TMEM74: variants seen among roughly 807,000 people sequenced by gnomAD.
TMEM74 encodes the protein transmembrane protein 74.
A neutral mutation model predicts 18.1 loss-of-function variants in TMEM74; 13 were observed. The observed-to-expected ratio is 0.72, with a 90% confidence interval of 0.47 to 1.14. TMEM74 has a LOEUF of 1.14. Ranked by LOEUF, TMEM74 falls within the 50% of genes most tolerant of loss-of-function variation. The pLI is 0.00. For missense variants in TMEM74, 372 were observed against 375.9 expected, an observed-to-expected ratio of 0.99 and a Z score of 0.09; for synonymous variants, 159 against 146.6, an observed-to-expected ratio of 1.08 and a Z score of -0.61.
chr8:108,753,594 G>A (rs1375370323), intron 1 of TMEM74, among the ~76,000 whole-genome samples: 2 of 152,088 alleles, frequency 1.3e-5, no homozygotes, highest in South Asian at 2.1e-4. Flanking sequence ...ATACTTCAAG[G>A]ACACCAATTG....
At chr8:108,751,938 A>G (rs1813907607) in intron 1 of TMEM74, among the ~76,000 whole-genome samples, 2 of 152,156 alleles carry the variant, frequency 1.3e-5, no homozygotes, top group Non-Finnish European at 2.9e-5. Flanking sequence ...TTGCCTTACC[A>G]GATGCCATTA....
intron 1 of TMEM74, among the ~76,000 whole-genome samples, chr8:108,687,610 T>C (rs1317100749): frequency 1.3e-5 from 2 of 152,010 alleles, no homozygotes; most frequent in East Asian, 1.9e-4. Context: ...CATGAGCTTG[T>C]TTTTCTGCAA....
At chr8:108,661,081 T>C (rs1470737698) in intron 1 of TMEM74, among the ~76,000 whole-genome samples, 1 of 152,112 alleles carries the variant, frequency 6.6e-6, no homozygotes, top group Admixed American at 6.6e-5. Context: ...CTGAAAAAAA[T>C]TCCACCTAAC....
intron 1 of TMEM74, among the ~76,000 whole-genome samples, chr8:108,700,159 G>A (rs1813321654): frequency 6.6e-6 from 1 of 151,792 alleles, no homozygotes; most frequent in Non-Finnish European, 1.5e-5. Flanking sequence ...GTGTGTGTGT[G>A]TGTGTGTGTT....
At chr8:108,675,175 A>G (rs1813044278) in intron 1 of TMEM74, among the ~76,000 whole-genome samples, 1 of 152,184 alleles carries the variant, frequency 6.6e-6, no homozygotes, top group Non-Finnish European at 1.5e-5. Context: ...CAGCTGGCTC[A>G]GCAGCATATC....
intron 1 of TMEM74, among the ~76,000 whole-genome samples, chr8:108,741,425 GA>G (rs1378567711): frequency 6.6e-6 from 1 of 152,132 alleles, no homozygotes; most frequent in Non-Finnish European, 1.5e-5. Flanking sequence ...GTACTGATAT[GA>G]AATGCTATTT....
chr8:108,737,674 G>C (rs1449877428), intron 1 of TMEM74, among the ~76,000 whole-genome samples: 2 of 152,108 alleles, frequency 1.3e-5, no homozygotes, highest in African/African-American at 4.8e-5. Context: ...CTCTGTAGCT[G>C]CAGGTCAATA....
chr8:108,749,238 T>C (rs1358118247), intron 1 of TMEM74, among the ~76,000 whole-genome samples: 1 of 152,210 alleles, frequency 6.6e-6, no homozygotes, highest in Non-Finnish European at 1.5e-5. Flanking sequence ...TAAATTGCTT[T>C]GGGCAGTATG....
At chr8:108,630,927 C>A (rs1413828546) in intron 2 of TMEM74, among the ~76,000 whole-genome samples, 1 of 151,940 alleles carries the variant, frequency 6.6e-6, no homozygotes, top group Non-Finnish European at 1.5e-5. Flanking sequence ...AGGCAGGAAC[C>A]AGCCCTGGAC....
intron 1 of TMEM74, among the ~76,000 whole-genome samples, chr8:108,747,949 T>C (rs1158330478): frequency 6.6e-6 from 1 of 152,174 alleles, no homozygotes; most frequent in Non-Finnish European, 1.5e-5. Context: ...ATATTTTCTT[T>C]ATCCAGTTTA....
chr8:108,735,396 A>G (rs1353828827), intron 1 of TMEM74, among the ~76,000 whole-genome samples: 1 of 139,668 alleles, frequency 7.2e-6, no homozygotes, highest in Non-Finnish European at 1.5e-5. Flanking sequence ...CTGAGCATCT[A>G]ATAATCTACT....
At chr8:108,669,616 T>C (rs571329963) in intron 1 of TMEM74, among the ~76,000 whole-genome samples, 2 of 150,076 alleles carry the variant, frequency 1.3e-5, no homozygotes, top group East Asian at 4.0e-4. Flanking sequence ...AGATTTTAAG[T>C]AAGATTTTTG....
intron 1 of TMEM74, among the ~76,000 whole-genome samples, chr8:108,773,940 T>C (rs986965231): frequency 6.6e-6 from 1 of 152,116 alleles, no homozygotes; most frequent in Admixed American, 6.5e-5. Flanking sequence ...TGTGTGATAA[T>C]AAAAGTTTAA....
In TMEM74 at chr8:108,621,630, G is replaced by A. The variant is rs191809061; in HGVS notation, n.265-12804C>T. On this transcript the variant is annotated intron_variant and non_coding_transcript_variant, in intron 2 of 3. Coordinates refer to the TMEM74 transcript ENST00000518838. ...TACAGAAGTGCTTTGCTGTATCCATGTGGACGTGTGGGTGATTAGCAACAT... is the reference window on the plus strand; with the variant it reads ...TACAGAAGTGCTTTGCTGTATCCATATGGACGTGTGGGTGATTAGCAACAT... Among the ~76,000 whole-genome samples, 18 of 152,260 alleles carry A rather than the reference G, an allele frequency of 1.2e-4. No individual in the cohort carries two copies. The East Asian group carries it at 2.3e-3, about 20-fold the overall frequency.
At chr8:108,638,388 C>A (rs1257862758) in intron 2 of TMEM74, among the ~76,000 whole-genome samples, 1 of 151,898 alleles carries the variant, frequency 6.6e-6, no homozygotes, top group Non-Finnish European at 1.5e-5. Flanking sequence ...TTTGTTATTT[C>A]ATTTTTTACT....
intron 1 of TMEM74, among the ~76,000 whole-genome samples, chr8:108,786,957 C>T (rs1814392898): frequency 6.6e-6 from 1 of 152,212 alleles, no homozygotes; most frequent in Admixed American, 6.5e-5. Flanking sequence ...GCTAGCAGCA[C>T]AGTCGATTTC....
chr8:108,616,148 T>G (rs980173800), intron 2 of TMEM74, among the ~76,000 whole-genome samples: 4 of 152,112 alleles, frequency 2.6e-5, no homozygotes, highest in Non-Finnish European at 4.4e-5. Context: ...TCAGCTGAGA[T>G]GATCTTCCAA....
intron 1 of TMEM74, among the ~76,000 whole-genome samples, chr8:108,698,025 T>G (rs925740166): frequency 2.4e-4 from 36 of 152,288 alleles, no homozygotes; most frequent in African/African-American, 7.7e-4. Context: ...TTCATGTGGT[T>G]TTTTTTCCTC....
At chr8:108,699,557 C>A (rs1004947005) in intron 1 of TMEM74, among the ~76,000 whole-genome samples, 1 of 152,002 alleles carries the variant, frequency 6.6e-6, no homozygotes, top group Non-Finnish European at 1.5e-5. Flanking sequence ...ATTTGGGGAA[C>A]AATTATATTG....
Sources: gnomAD v4.1 joint callset for allele counts (sites outside exome capture counted in the v4.1 genomes callset) on GRCh38, gnomAD v4.1.1 for gene constraint, MANE v1.5 for transcripts, NCBI Gene and HGNC (gene_info 2026-07-23, HGNC 2026-07-21) for gene names.